The following SUGT1 variants were observed in gnomAD, a reference collection of about 807,000 sequenced individuals.
The protein encoded by SUGT1 is protein SGT1 homolog.
Under a neutral mutation model 56.1 loss-of-function variants are expected in SUGT1, and 15 were observed. The ratio of observed to expected loss-of-function variants is 0.27; its 90% CI spans 0.18 to 0.41. SUGT1 has a LOEUF of 0.41. Among genes scored for constraint, SUGT1 ranks in the 10% least tolerant of loss-of-function variants. The pLI, the probability that SUGT1 is intolerant of heterozygous loss-of-function variation, is 1.00. For synonymous variants in SUGT1, 123 were observed against 128.6 expected, an observed-to-expected ratio of 0.96 and a Z score of 0.30; for missense variants, 347 against 382.2, an observed-to-expected ratio of 0.91 and a Z score of 0.77.
intron 6 of SUGT1, 39 bp downstream of exon 6, chr13:52,662,741 A>C: frequency 6.3e-7 from 1 of 1,584,584 alleles, no homozygotes; most frequent in Non-Finnish European, 8.5e-7. Flanking sequence ...CAATTTAAAA[A>C]GAAGTAAACA....
In SUGT1 at chr13:52,676,334, C is replaced by CCTT; in HGVS notation, c.718+15_718+17dup. ...AATTCGTAGCAGGTTTGTTTTCTGG[C>CCTT]CTTGATGAGCTTTATATTCATATTG... On this transcript the variant is annotated intron_variant, in intron 11 of 12. Coordinates refer to ENST00000310528, the MANE Select transcript of SUGT1 (RefSeq NM_006704.5). The CCTT allele has an allele frequency of 1.3e-6, 2 of 1,597,674 alleles. No individual in the cohort carries two copies. Among genetic ancestry groups the CCTT allele is most frequent in the Non-Finnish European group, 1.7e-6 (2 of 1,170,550 alleles).
chr13:52,676,412 T>C, intron 11 of SUGT1, 92 bp downstream of exon 11: 1 of 1,078,846 alleles, frequency 9.3e-7, no homozygotes, highest in Non-Finnish European at 1.3e-6. Context: ...CTTTCATTAT[T>C]TATGTTCTCA....
chr13:52,658,756 TCAA>T (rs1566175741), intron 4 of SUGT1, among the ~76,000 whole-genome samples: 5 of 111,638 alleles, frequency 4.5e-5, no homozygotes, highest in Non-Finnish European at 3.6e-5. Context: ...TTTTTTTTTT[TCAA>T]TCTTTTGGAA....
At position 52,694,872 on chromosome 13, in the gene SUGT1, T is replaced by C. The variant is rs1594266881; in HGVS notation, c.*7037T>C. On this transcript the variant is annotated 3_prime_UTR_variant, in exon 13 of 13. Transcript: ENST00000310528. The stretch of plus-strand genomic sequence containing the variant: ...CCCGGCTAATTTTTTGTATTTTTAG[T>C]AGAGACAAGAGTTTCACCGTGTTAG... 2 of 152,280 alleles carry C rather than the reference T, an allele frequency of 1.3e-5. No individual in the cohort carries two copies. The highest frequency in any genetic ancestry group is 3.8e-4 in the East Asian group (2 of 5,200). The allele number at this position is 152,280 out of a possible 1,614,324, so 9.4% of individuals were successfully genotyped here. A position where few individuals can be genotyped will look rare whatever the true frequency, so the allele number is the denominator to read the frequency against.
chr13:52,656,847 CT>C (rs1269598669), intron 2 of SUGT1, among the ~76,000 whole-genome samples: 6 of 152,168 alleles, frequency 3.9e-5, no homozygotes, highest in African/African-American at 7.2e-5. Flanking sequence ...TGTCTTTGAT[CT>C]CCCTAATTGT....
intron 5 of SUGT1, among the ~76,000 whole-genome samples, chr13:52,659,805 TA>T: frequency 3.3e-4 from 6 of 18,108 alleles, no homozygotes; most frequent in African/African-American, 1.1e-3. Flanking sequence ...TATATATATA[TA>T]TATATATATT....
At chr13:52,658,738 C>CTTTTTTTTTTTTTTTTTT (rs59712858) in intron 4 of SUGT1, among the ~76,000 whole-genome samples, 1 of 127,752 alleles carries the variant, frequency 7.8e-6, no homozygotes, top group African/African-American at 3.0e-5. Context: ...TTTCACATTG[C>CTTTTTTTTTTTTTTTTTT]TTTTTTTTTT....
chr13:52,690,896 C>CG lies in SUGT1; in HGVS notation c.*3063dup, dbSNP rs1963756206. The CG allele has an allele frequency of 6.6e-6, 1 of 151,598 alleles. No homozygotes were observed. Among genetic ancestry groups the CG allele is most frequent in the Non-Finnish European group, 1.5e-5 (1 of 67,802 alleles). The allele number at this position is 151,598 out of a possible 1,614,324, so 9.4% of individuals were successfully genotyped here. A position where few individuals can be genotyped will look rare whatever the true frequency, so the allele number is the denominator to read the frequency against. On this transcript the variant is annotated 3_prime_UTR_variant, in exon 13 of 13. Transcript: ENST00000310528. The stretch of plus-strand genomic sequence containing the variant: ...TTTTTTAAAAATTTGTTTAGAGACA[C>CG]GGTCTTCTTCTATCACCTAGGCTGG...
chr13:52,653,166 C>T (rs9536219), intron 2 of SUGT1, 63 bp downstream of exon 2: 632,390 of 1,600,180 alleles, frequency 0.4, 128,819 homozygotes, highest in Admixed American at 0.48. Flanking sequence ...TTCGGGTCCC[C>T]GCTGACCCGC....
Position 52,653,080 on chromosome 13 carries a change from G to C in SUGT1, c.73G>C (p.Glu25Gln). ...FQSFSDALIDEDPQAALEELT... is the reference protein window; with the variant it reads ...FQSFSDALIDQDPQAALEELT... ...GAGCTTCTCGGATGCCCTAATCGAC[G>C]AGGACCCCCAGGCGGCGTTAGAGGT... Residue 25 changes from glutamate (E) to glutamine (Q), a missense_variant, in exon 2 of 13, where the codon GAG becomes CAG. Physicochemically the swap from Glu to Gln is conservative, Grantham distance 29. Transcript: ENST00000310528. The C allele has an allele frequency of 6.2e-7, 1 of 1,614,066 alleles. No individual in the cohort carries two copies. Among genetic ancestry groups the C allele is most frequent in the Non-Finnish European group, 8.5e-7 (1 of 1,180,046 alleles).
intron 7 of SUGT1, 89 bp from the exon 8 acceptor site, chr13:52,663,946 A>G: frequency 8.1e-7 from 1 of 1,242,030 alleles, no homozygotes; most frequent in Non-Finnish European, 1.2e-6. Context: ...TGGGTAAATT[A>G]ATAATACATG....
intron 12 of SUGT1, among the ~76,000 whole-genome samples, chr13:52,682,125 CTT>C (rs773832733): frequency 6.6e-6 from 1 of 152,094 alleles, no homozygotes; most frequent in Non-Finnish European, 1.5e-5. Context: ...CTTATTAACT[CTT>C]TGCCTAGTCC....
At position 52,690,427 on chromosome 13, in the gene SUGT1, G is replaced by A. The variant is rs922311962; in HGVS notation, c.*2592G>A. On this transcript the variant is annotated 3_prime_UTR_variant, in exon 13 of 13. Transcript: ENST00000310528. Reference sequence around the variant, plus strand: ...TTGGTTCTCAGTGCTGTTAGTATTAGTAGCCTTTTGTTTCTTCAGAATGTA... The same window carrying A: ...TTGGTTCTCAGTGCTGTTAGTATTAATAGCCTTTTGTTTCTTCAGAATGTA... 7 of 151,908 alleles carry A rather than the reference G, an allele frequency of 4.6e-5. No individual in the cohort carries two copies. The highest frequency in any genetic ancestry group is 1.0e-4 in the Non-Finnish European group (7 of 68,000). The allele number at this position is 151,908 out of a possible 1,614,324, so 9.4% of individuals were successfully genotyped here.
At position 52,688,555 on chromosome 13, in the gene SUGT1, CA is replaced by C. The variant is rs1360662831; in HGVS notation, c.*721del. 6.6e-6 allele frequency: 1 copy of C among 152,196 alleles called. No homozygotes were observed. Among genetic ancestry groups the C allele is most frequent in the Non-Finnish European group, 1.5e-5 (1 of 68,030 alleles). The allele number at this position is 152,196 out of a possible 1,614,324, so 9.4% of individuals were successfully genotyped here. A position where few individuals can be genotyped will look rare whatever the true frequency, so the allele number is the denominator to read the frequency against. On this transcript the variant is annotated 3_prime_UTR_variant, in exon 13 of 13. Transcript: ENST00000310528. ...GCCCAACTCCACTTGCTTCTTTTAT[CA>C]CGACAGGATTCTTGAAATTACAGCA...
At chr13:52,677,543 T>C (rs1035181298) in intron 11 of SUGT1, among the ~76,000 whole-genome samples, 2 of 152,226 alleles carry the variant, frequency 1.3e-5, no homozygotes, top group African/African-American at 2.4e-5. Context: ...ATAATCACTT[T>C]AAATGTAGTA....
intron 7 of SUGT1, 49 bp downstream of exon 7, chr13:52,663,161 G>C: frequency 6.3e-7 from 1 of 1,575,668 alleles, no homozygotes; most frequent in Non-Finnish European, 8.7e-7. Flanking sequence ...TTAAATTTCA[G>C]CTACCAAATA....
Position 52,657,580 on chromosome 13 carries a change from T to C in SUGT1, c.145T>C (p.Cys49Arg). The change falls in exon 3 of 13, where the codon TGT becomes CGT. Residue 49 changes from cysteine to arginine, a missense_variant. Cys to Arg is a radical substitution (Grantham distance 180, BLOSUM62 -3). Transcript: ENST00000310528. ...GAAACCAGATGATGCACAGTATTATTGTCAAAGAGCTTATTGTCACATTCT... is the reference window on the plus strand; with the variant it reads ...GAAACCAGATGATGCACAGTATTATCGTCAAAGAGCTTATTGTCACATTCT... ...EQKPDDAQYY[C>R]QRAYCHILLG... 6.2e-7 allele frequency: 1 copy of C among 1,613,792 alleles called. No homozygotes were observed. The highest frequency in any genetic ancestry group is 8.5e-7 in the Non-Finnish European group (1 of 1,179,790).
At position 52,693,942 on chromosome 13, in the gene SUGT1, C is replaced by T. The variant is rs1963851730; in HGVS notation, c.*6107C>T. On this transcript the variant is annotated 3_prime_UTR_variant, in exon 13 of 13. Transcript: ENST00000310528. ...GAATGCTGTATGTACATTTTTTATA[C>T]ATGTATACTTATGATAAAGTTTATA... The T allele has an allele frequency of 6.6e-6, 1 of 152,058 alleles. No individual in the cohort carries two copies. Among genetic ancestry groups the T allele is most frequent in the African/African-American group, 2.4e-5 (1 of 41,412 alleles). 9.4% of individuals were successfully genotyped at this position (152,058 alleles called of 1,614,324 possible).
intron 5 of SUGT1, chr13:52,661,653 G>GA: frequency 2.6e-6 from 1 of 380,982 alleles, no homozygotes; most frequent in Non-Finnish European, 5.1e-6. Context: ...ACAGGGTAAA[G>GA]AATTGTTACC....
Sources: allele counts gnomAD v4.1 joint callset (sites outside exome capture counted in the v4.1 genomes callset), GRCh38; gene constraint gnomAD v4.1.1; transcripts MANE v1.5; gene names NCBI Gene and HGNC (gene_info 2026-07-23, HGNC 2026-07-21).